Variants in SLC16A7 observed in about 807,000 individuals in gnomAD.
The protein encoded by SLC16A7 is solute carrier family 16 member 7.
A neutral mutation model predicts 34.9 loss-of-function variants in SLC16A7; 33 were observed. The ratio of observed to expected loss-of-function variants is 0.94; its 90% CI spans 0.72 to 1.26. The LOEUF (loss-of-function observed/expected upper bound fraction) is 1.26, where lower values mean the gene tolerates loss of function less well. SLC16A7 is among the 50% of genes most tolerant of loss of function. SLC16A7 has a pLI of 0.00. For missense variants in SLC16A7, 573 were observed against 578.1 expected (o/e 0.99, Z 0.09); for synonymous variants, 201 against 206.6 (o/e 0.97, Z 0.23).
intron 2 of SLC16A7, among the ~76,000 whole-genome samples, chr12:59,658,042 A>G (rs1000402324): frequency 6.6e-6 from 1 of 151,980 alleles, no homozygotes; most frequent in African/African-American, 2.4e-5. Context: ...AAAACAAAAT[A>G]CATTCCTTAC....
At chr12:59,749,951 C>G (rs1384490671) in intron 3 of SLC16A7, among the ~76,000 whole-genome samples, 1 of 151,728 alleles carries the variant, frequency 6.6e-6, no homozygotes, top group Non-Finnish European at 1.5e-5. Flanking sequence ...ATAGAAGAAG[C>G]AGGGCAATGG....
rs1254506374 is a variant in SLC16A7, at chr12:59,619,641, G to A, written c.-130+23405G>A. Among the ~76,000 whole-genome samples the A allele has an allele frequency of 2.0e-5, 3 of 151,968 alleles. No individual in the cohort carries two copies. In the East Asian group the frequency reaches 5.8e-4, roughly 29 times the overall value. On this transcript the variant is annotated intron_variant, in intron 1 of 5. Coordinates refer to ENST00000547379, the MANE Select transcript of SLC16A7 (RefSeq NM_001270623.2). ...CCACAGACCAGGTGAAGGTGGTCATGTGTACCTCACATGACATGGACTGAG... is the reference window on the plus strand; with the variant it reads ...CCACAGACCAGGTGAAGGTGGTCATATGTACCTCACATGACATGGACTGAG...
chr12:59,703,880 C>T lies in SLC16A7; in HGVS notation c.-30-892C>T, dbSNP rs138987557. On this transcript the variant is annotated intron_variant, in intron 2 of 5. Transcript: ENST00000547379. ...AATATGTATAACAAAACATGTTTTA[C>T]ACCTTAAATATATAATTTTTATTTT... is the stretch of plus-strand genomic sequence containing the variant. Among the ~76,000 whole-genome samples, 213 of 152,126 alleles carry T rather than the reference C, an allele frequency of 1.4e-3. 1 individual carries two copies. The highest frequency in any genetic ancestry group is 6.8e-3 in the Middle Eastern group (2 of 294).
chr12:59,762,509 G>A (rs180904070), intron 3 of SLC16A7, among the ~76,000 whole-genome samples: 94 of 152,120 alleles, frequency 6.2e-4, no homozygotes, highest in Non-Finnish European at 1.0e-3. Context: ...CAAATTGTCC[G>A]TAAGGGACAT....
intron 1 of SLC16A7, among the ~76,000 whole-genome samples, chr12:59,620,027 G>T (rs893304187): frequency 4.6e-5 from 7 of 151,908 alleles, no homozygotes; most frequent in African/African-American, 1.7e-4. Flanking sequence ...GATTCCACAC[G>T]TTAGCACTTA....
intron 2 of SLC16A7, among the ~76,000 whole-genome samples, chr12:59,686,026 T>G (rs980043619): frequency 6.6e-6 from 1 of 151,744 alleles, no homozygotes; most frequent in African/African-American, 2.4e-5. Context: ...AGTATTTAAT[T>G]GTTAAGCACA....
chr12:59,607,027 A>C (rs1301279642), intron 1 of SLC16A7, among the ~76,000 whole-genome samples: 4 of 152,184 alleles, frequency 2.6e-5, no homozygotes, highest in Non-Finnish European at 5.9e-5. Flanking sequence ...TTGTAAATAA[A>C]GTGTTTTTGG....
intron 1 of SLC16A7, among the ~76,000 whole-genome samples, chr12:59,613,579 T>C (rs1246515624): frequency 1.3e-5 from 2 of 152,192 alleles, no homozygotes; most frequent in Non-Finnish European, 2.9e-5. Context: ...ATCTGATCCA[T>C]GCATTGGCAA....
intron 3 of SLC16A7, among the ~76,000 whole-genome samples, chr12:59,736,357 A>G (rs1019032086): frequency 1.9e-4 from 29 of 152,200 alleles, no homozygotes; most frequent in Non-Finnish European, 3.5e-4. Flanking sequence ...AATGCTTTAA[A>G]TGAACACAAA....
intron 3 of SLC16A7, among the ~76,000 whole-genome samples, chr12:59,711,815 C>T (rs1874255578): frequency 6.6e-6 from 1 of 152,180 alleles, no homozygotes; most frequent in Non-Finnish European, 1.5e-5. Context: ...GCCCTAATTG[C>T]ATCTTATGTG....
intron 2 of SLC16A7, among the ~76,000 whole-genome samples, chr12:59,666,710 C>T (rs915810603): frequency 2.0e-5 from 3 of 152,190 alleles, no homozygotes; most frequent in African/African-American, 7.2e-5. Context: ...TGAGGTCTCT[C>T]CAGCCATGTG....
chr12:59,704,823 C>T lies in SLC16A7; in HGVS notation c.22C>T (p.Pro8Ser). 2 of 1,613,496 alleles carry T rather than the reference C, an allele frequency of 1.2e-6. No homozygotes were observed. The highest frequency in any genetic ancestry group is 1.1e-5 in the South Asian group (1 of 91,030). ...AGAAATGCCACCAATGCCAAGTGCC[C>T]CACCTGTGCATCCACCTCCAGATGG... Reference protein sequence around the residue: MPPMPSAPPVHPPPDGGW... With the variant: MPPMPSASPVHPPPDGGW... The change falls in exon 3 of 6, where the codon CCA becomes TCA. Residue 8 changes from proline to serine, a missense_variant. Coordinates refer to ENST00000547379, the MANE Select transcript of SLC16A7 (RefSeq NM_001270623.2).
chr12:59,727,107 G>A (rs1223295186), intron 3 of SLC16A7, among the ~76,000 whole-genome samples: 2 of 149,270 alleles, frequency 1.3e-5, no homozygotes, highest in African/African-American at 5.0e-5. Context: ...CTGATATTGA[G>A]TATTACAATT....
At chr12:59,661,613 T>A (rs145183168) in intron 2 of SLC16A7, among the ~76,000 whole-genome samples, 2 of 152,228 alleles carry the variant, frequency 1.3e-5, no homozygotes, top group Non-Finnish European at 2.9e-5. Flanking sequence ...AGTAAGGGTC[T>A]TAAATGTACC....
chr12:59,773,340 T>G lies in SLC16A7; in HGVS notation c.362-1317T>G, dbSNP rs934128135. ...TTCTTGTCAGCTTTTAGGGGTCCTC[T>G]TACTTATAGAAAATGTCTGTATTAA... On this transcript the variant is annotated intron_variant, in intron 4 of 5. Coordinates refer to ENST00000547379, the MANE Select transcript of SLC16A7 (RefSeq NM_001270623.2). Among the ~76,000 whole-genome samples, 4 of 152,138 alleles carry G rather than the reference T, an allele frequency of 2.6e-5. No homozygotes were observed. The East Asian group carries it at 5.8e-4, about 22-fold the overall frequency.
intron 1 of SLC16A7, among the ~76,000 whole-genome samples, chr12:59,626,130 AATC>A (rs1879918673): frequency 6.6e-6 from 1 of 151,986 alleles, no homozygotes; most frequent in African/African-American, 2.4e-5. Flanking sequence ...ATAAAAGTAA[AATC>A]ATCATATTAT....
chr12:59,771,322 CA>C lies in SLC16A7; in HGVS notation c.322del (p.Ser108AlafsTer15). ...LGMVLASFSS[S>X]VVQLYLTMGF... ...GAATGGTGTTGGCCTCCTTTAGTAG[CA>C]GCGTGGTACAGCTGTACCTCACTAT... On this transcript the variant is annotated frameshift_variant, in exon 4 of 6. Transcript: ENST00000547379. LOFTEE classifies it high-confidence loss of function. 6.2e-7 allele frequency: 1 copy of C among 1,612,294 alleles called. No individual in the cohort carries two copies. Among genetic ancestry groups the C allele is most frequent in the Non-Finnish European group, 8.5e-7 (1 of 1,178,978 alleles).
At chr12:59,689,865 CTTCCCAGCTATGCTCTAAGGAA>C (rs934968013) in intron 2 of SLC16A7, among the ~76,000 whole-genome samples, 54 of 151,936 alleles carry the variant, frequency 3.6e-4, no homozygotes, top group African/African-American at 1.3e-3. Flanking sequence ...TATTAAGTGG[CTTCCCAGCTATGCTCTAAGGAA>C]TTCTAAACTT....
In SLC16A7 at chr12:59,786,123, C is replaced by T. The variant is rs1234406464; in HGVS notation, c.*6444C>T. 1 of 151,330 alleles carries T rather than the reference C, an allele frequency of 6.6e-6. No individual in the cohort carries two copies. Among genetic ancestry groups the T allele is most frequent in the Non-Finnish European group, 1.5e-5 (1 of 67,896 alleles). 9.4% of individuals were successfully genotyped at this position (151,330 alleles called of 1,614,324 possible). Reference sequence around the variant, plus strand: ...GTGGGTGCAGCGCACCAGCATGGCACATGTATACATATGTAACTAACCTGC... The same window carrying T: ...GTGGGTGCAGCGCACCAGCATGGCATATGTATACATATGTAACTAACCTGC... On this transcript the variant is annotated 3_prime_UTR_variant, in exon 6 of 6. Transcript: ENST00000547379.
Sources: gnomAD v4.1 joint callset for allele counts (sites outside exome capture counted in the v4.1 genomes callset) on GRCh38, gnomAD v4.1.1 for gene constraint, MANE v1.5 for transcripts, NCBI Gene and HGNC (gene_info 2026-07-23, HGNC 2026-07-21) for gene names.